NFASC: variants seen among roughly 807,000 people sequenced by gnomAD.
NFASC encodes neurofascin homolog.
In NFASC, 43 loss-of-function variants were observed where a neutral mutation model predicts 147.5. That is an observed-to-expected ratio of 0.29 (90% confidence interval 0.23 to 0.38). NFASC has a LOEUF of 0.38. NFASC is among the 10% of genes least tolerant of loss of function. NFASC has a pLI of 1.00. For synonymous variants in NFASC, 622 were observed against 665.5 expected (o/e 0.93, Z 1.01); for missense variants, 1,320 against 1,689.0 (o/e 0.78, Z 3.83).
At chr1:204,982,601 C>CTT (rs1281575355) in intron 21 of NFASC, among the ~76,000 whole-genome samples, 1 of 152,234 alleles carries the variant, frequency 6.6e-6, no homozygotes, top group African/African-American at 2.4e-5. Context: ...AAGAGAAGGT[C>CTT]TTTGGGGGCT....
At position 204,975,649 on chromosome 1, in the gene NFASC, C is replaced by T. The variant is rs1204267411; in HGVS notation, c.1706+231C>T. The stretch of plus-strand genomic sequence containing the variant: ...TCCCACCAGCTCCCTGCTTCTCTCT[C>T]CTACACCTCCTCTCTCTCCCTCTTC... On this transcript the variant is annotated intron_variant, in intron 15 of 29. Coordinates refer to ENST00000339876, the MANE Select transcript of NFASC (RefSeq NM_001005388.3). This position sits in a 1 kb window ranked among gnomAD's most constrained non-coding sequence, Gnocchi z 4.0. Among the ~76,000 whole-genome samples, 2 of 152,074 alleles carry T rather than the reference C, an allele frequency of 1.3e-5. No individual in the cohort carries two copies. The highest frequency in any genetic ancestry group is 4.8e-5 in the African/African-American group (2 of 41,398).
intron 1 of NFASC, among the ~76,000 whole-genome samples, chr1:204,916,722 G>GTTTGTTTT (rs2089358103): frequency 6.6e-6 from 1 of 151,110 alleles, no homozygotes; most frequent in Non-Finnish European, 1.5e-5. Flanking sequence ...TTTTTTGTTT[G>GTTTGTTTT]TTTGTTTTTT....
intron 1 of NFASC, among the ~76,000 whole-genome samples, chr1:204,892,133 T>TA (rs1279322514): frequency 6.6e-6 from 1 of 152,166 alleles, no homozygotes; most frequent in Non-Finnish European, 1.5e-5. Flanking sequence ...AAAAAGGAAA[T>TA]ATATTAAGGG....
At chr1:204,929,755 T>C (rs1285976660) in intron 2 of NFASC, among the ~76,000 whole-genome samples, 1 of 152,046 alleles carries the variant, frequency 6.6e-6, no homozygotes, top group African/African-American at 2.4e-5. Flanking sequence ...TCCCTGCCTC[T>C]TCCCCTTCTA....
intron 1 of NFASC, among the ~76,000 whole-genome samples, chr1:204,839,309 G>A (rs568231060): frequency 2.0e-5 from 3 of 151,470 alleles, no homozygotes; most frequent in African/African-American, 7.3e-5. Flanking sequence ...CATTGACAAA[G>A]GAGGAGCTGA....
chr1:204,858,079 C>T (rs916912211), intron 1 of NFASC, among the ~76,000 whole-genome samples: 1 of 151,796 alleles, frequency 6.6e-6, no homozygotes, highest in Admixed American at 6.6e-5. Context: ...GCCGTAACCC[C>T]CAGCTAATTT....
intron 1 of NFASC, among the ~76,000 whole-genome samples, chr1:204,846,444 C>G (rs1355213911): frequency 2.0e-5 from 3 of 151,990 alleles, no homozygotes; most frequent in Non-Finnish European, 4.4e-5. Context: ...GCTTGGTGGC[C>G]ATTTGGGAGT....
intron 2 of NFASC, among the ~76,000 whole-genome samples, chr1:204,921,468 T>C (rs2090466700): frequency 6.6e-6 from 1 of 152,194 alleles, no homozygotes; most frequent in Admixed American, 6.5e-5. Flanking sequence ...TTTGGGCATC[T>C]CTACCTCATC....
intron 11 of NFASC, among the ~76,000 whole-genome samples, chr1:204,971,599 A>G (rs1290761594): frequency 3.9e-5 from 6 of 152,190 alleles, no homozygotes; most frequent in African/African-American, 1.4e-4. Context: ...TGTATGCCAC[A>G]TTCTGTGCTA....
chr1:204,946,133 G>C (rs1340676977), intron 3 of NFASC, among the ~76,000 whole-genome samples: 1 of 152,182 alleles, frequency 6.6e-6, no homozygotes, highest in East Asian at 1.9e-4. Context: ...CCCCATTCCA[G>C]TGTCCCTGGG....
At chr1:204,955,765 C>G (rs1179596369) in intron 7 of NFASC, among the ~76,000 whole-genome samples, 1 of 152,146 alleles carries the variant, frequency 6.6e-6, no homozygotes, top group Non-Finnish European at 1.5e-5. Flanking sequence ...CCCCTCCTTC[C>G]ATCCCTCCTT....
intron 1 of NFASC, among the ~76,000 whole-genome samples, chr1:204,906,435 A>G (rs1416646037): frequency 6.6e-6 from 1 of 152,186 alleles, no homozygotes; most frequent in Non-Finnish European, 1.5e-5. Context: ...TGCATTTTCT[A>G]GAATGTCGTA....
Position 204,979,102 on chromosome 1 carries a change from A to G in NFASC, c.1978+33A>G. ...AGGGCCTTGCACCCCAAAGCTGGAAAAGAGGGACGGCAACACCCTTAAACC... is the reference window on the plus strand; with the variant it reads ...AGGGCCTTGCACCCCAAAGCTGGAAGAGAGGGACGGCAACACCCTTAAACC... On this transcript the variant is annotated intron_variant, in intron 18 of 29. Coordinates refer to ENST00000339876, the MANE Select transcript of NFASC (RefSeq NM_001005388.3). The surrounding 1 kb of genome is among the most constrained non-coding windows in gnomAD (Gnocchi z 6.0). 6.6e-7 allele frequency: 1 copy of G among 1,513,508 alleles called. No homozygotes were observed. Among genetic ancestry groups the G allele is most frequent in the Non-Finnish European group, 9.0e-7 (1 of 1,114,114 alleles). 93.8% of individuals were successfully genotyped at this position (1,513,508 alleles called of 1,614,324 possible).
intron 1 of NFASC, among the ~76,000 whole-genome samples, chr1:204,915,877 TA>T (rs897749616): frequency 3.9e-4 from 60 of 152,306 alleles, no homozygotes; most frequent in African/African-American, 1.4e-3. Context: ...AGTCTGAGAA[TA>T]AACGTTTGCT....
chr1:204,930,504 T>C (rs2092270702), intron 2 of NFASC, among the ~76,000 whole-genome samples: 1 of 152,190 alleles, frequency 6.6e-6, no homozygotes, highest in Admixed American at 6.5e-5. Flanking sequence ...GTCTGTCCAC[T>C]CATCCCACGT....
Position 205,020,545 on chromosome 1 carries a change from C to T in NFASC, c.*4006C>T, listed in dbSNP as rs940686479. ...CTGTTTAGGTAATTCCTGTTGGCAG[C>T]ACCTAGAGAGAGCATCTGAGCTGAA... On this transcript the variant is annotated 3_prime_UTR_variant, in exon 30 of 30. Transcript: ENST00000339876. The T allele has an allele frequency of 6.6e-6, 1 of 152,276 alleles. No homozygotes were observed. The highest frequency in any genetic ancestry group is 1.5e-5 in the Non-Finnish European group (1 of 68,080). 9.4% of individuals were successfully genotyped at this position (152,276 alleles called of 1,614,324 possible). A position where few individuals can be genotyped will look rare whatever the true frequency, so the allele number is the denominator to read the frequency against.
At chr1:204,937,688 T>G (rs61817568) in intron 2 of NFASC, among the ~76,000 whole-genome samples, 1 of 152,114 alleles carries the variant, frequency 6.6e-6, no homozygotes, top group Non-Finnish European at 1.5e-5. Flanking sequence ...CTCCATCCGC[T>G]GATGGGAGAA....
chr1:204,854,368 G>T (rs186141219), intron 1 of NFASC, among the ~76,000 whole-genome samples: 16 of 152,228 alleles, frequency 1.1e-4, no homozygotes, highest in Middle Eastern at 3.4e-3. Context: ...ATAGACCCCG[G>T]TTGCGTTGCC....
intron 1 of NFASC, among the ~76,000 whole-genome samples, chr1:204,907,914 A>G (rs943312080): frequency 4.6e-5 from 7 of 151,824 alleles, no homozygotes; most frequent in African/African-American, 1.7e-4. Flanking sequence ...TTTAGAATCT[A>G]TAATACATAC....
Sources: gnomAD v4.1 joint callset for allele counts (sites outside exome capture counted in the v4.1 genomes callset) on GRCh38, gnomAD v4.1.1 for gene constraint, Gnocchi (gnomAD v3.1) non-coding constraint, MANE v1.5 for transcripts, NCBI Gene and HGNC (gene_info 2026-07-23, HGNC 2026-07-21) for gene names.